The following VWA8 variants were observed in gnomAD, a reference collection of about 807,000 sequenced individuals.
VWA8 encodes von Willebrand factor A domain containing 8.
A neutral mutation model predicts 241.5 loss-of-function variants in VWA8; 221 were observed. That is an observed-to-expected ratio of 0.91 (90% CI 0.82 to 1.02). The LOEUF is 1.02. Among genes scored for constraint, VWA8 ranks in the 50% least tolerant of loss-of-function variants. The pLI, the probability that VWA8 is intolerant of heterozygous loss-of-function variation, is 0.00. For synonymous variants in VWA8, 852 were observed against 827.1 expected (o/e 1.03, Z -0.52); for missense variants, 2,322 against 2,328.7 (o/e 1.00, Z 0.06).
intron 36 of VWA8, 77 bp downstream of exon 36, chr13:41,675,138 T>C (rs1164247760): frequency 2.9e-6 from 3 of 1,052,458 alleles, no homozygotes; most frequent in East Asian, 5.1e-5. Context: ...AAAGTACTCA[T>C]TTATTCAGAG....
chr13:41,916,184 T>C (rs1387281667), intron 2 of VWA8, among the ~76,000 whole-genome samples: 1 of 152,242 alleles, frequency 6.6e-6, no homozygotes, highest in Non-Finnish European at 1.5e-5. Context: ...CTAATAACAG[T>C]AAATGCTGTG....
chr13:41,675,258 T>C lies in VWA8; in HGVS notation c.4366A>G (p.Thr1456Ala), dbSNP rs2045052298. The C allele has an allele frequency of 6.2e-7, 1 of 1,613,340 alleles. No individual in the cohort carries two copies. The highest frequency in any genetic ancestry group is 1.3e-5 in the African/African-American group (1 of 75,010). ...PPQTSGYIEV[T>A]DLQSKKLRYI... ...CGGAGTTTCTTTGATTGAAGATCAG[T>C]GACTTCTATATAACCAGATGTTTGT... is the stretch of plus-strand genomic sequence containing the variant. Residue 1456 changes from threonine to alanine, a missense_variant, in exon 36 of 45, where the codon ACT becomes GCT. Physicochemically the swap from Thr to Ala is moderately conservative, Grantham distance 58 (BLOSUM62 0). Transcript: ENST00000379310.
intron 35 of VWA8, among the ~76,000 whole-genome samples, chr13:41,677,080 G>T (rs2045065443): frequency 6.6e-6 from 1 of 152,056 alleles, no homozygotes. Flanking sequence ...TTAGACTTTA[G>T]GAATATTTAT....
intron 43 of VWA8, among the ~76,000 whole-genome samples, chr13:41,575,337 A>G (rs548538245): frequency 1.4e-4 from 22 of 152,254 alleles, no homozygotes; most frequent in African/African-American, 5.3e-4. Context: ...TGATGGGTAC[A>G]CTATCTCAAA....
chr13:41,748,780 T>G (rs1157943767), intron 21 of VWA8, among the ~76,000 whole-genome samples: 1 of 152,156 alleles, frequency 6.6e-6, no homozygotes, highest in Non-Finnish European at 1.5e-5. Context: ...ATTTAATAAA[T>G]CGTGCTGGGA....
chr13:41,717,583 T>C (rs2045355689), intron 26 of VWA8, among the ~76,000 whole-genome samples: 1 of 151,924 alleles, frequency 6.6e-6, no homozygotes, highest in Non-Finnish European at 1.5e-5. Context: ...AGGCTGATAA[T>C]TTGATAGAAA....
chr13:41,766,284 C>T (rs1454928361), intron 20 of VWA8, among the ~76,000 whole-genome samples: 4 of 151,900 alleles, frequency 2.6e-5, no homozygotes. Flanking sequence ...GAAAAAAATA[C>T]AGAACGTACA....
At chr13:41,731,637 G>A (rs1020124003) in intron 22 of VWA8, among the ~76,000 whole-genome samples, 1 of 152,130 alleles carries the variant, frequency 6.6e-6, no homozygotes, top group Non-Finnish European at 1.5e-5. Flanking sequence ...GATACGGTTT[G>A]GCTGTGTCCC....
At chr13:41,677,496 A>C (rs2045068189) in intron 35 of VWA8, among the ~76,000 whole-genome samples, 1 of 152,126 alleles carries the variant, frequency 6.6e-6, no homozygotes, top group African/African-American at 2.4e-5. Flanking sequence ...TAACAATATG[A>C]CTTATTTGGG....
chr13:41,726,179 G>A (rs1311167672), intron 24 of VWA8, among the ~76,000 whole-genome samples: 1 of 151,448 alleles, frequency 6.6e-6, no homozygotes, highest in African/African-American at 2.4e-5. Flanking sequence ...TTAAACAACT[G>A]CATAGCATTC....
chr13:41,877,674 A>G (rs1383196903), intron 9 of VWA8, among the ~76,000 whole-genome samples: 1 of 152,132 alleles, frequency 6.6e-6, no homozygotes. Context: ...TATCCTTTCT[A>G]AATCACCAAG....
At chr13:41,804,776 CA>C (rs754025076) in intron 17 of VWA8, among the ~76,000 whole-genome samples, 16 of 151,994 alleles carry the variant, frequency 1.1e-4, no homozygotes, top group Non-Finnish European at 2.1e-4. Flanking sequence ...AGTGGGTGGA[CA>C]AAGTTAGAGT....
intron 14 of VWA8, among the ~76,000 whole-genome samples, chr13:41,822,075 T>G (rs1428815454): frequency 6.6e-6 from 1 of 152,156 alleles, no homozygotes; most frequent in Non-Finnish European, 1.5e-5. Flanking sequence ...AGATTCATTA[T>G]CTTGATATTG....
intron 21 of VWA8, among the ~76,000 whole-genome samples, chr13:41,736,008 T>C (rs1040625399): frequency 2.6e-5 from 4 of 152,168 alleles, no homozygotes; most frequent in Admixed American, 2.6e-4. Flanking sequence ...CTCTTGTGAA[T>C]TGTTCCTCTC....
intron 14 of VWA8, among the ~76,000 whole-genome samples, chr13:41,820,084 T>A (rs1870885961): frequency 6.6e-6 from 1 of 152,194 alleles, no homozygotes; most frequent in African/African-American, 2.4e-5. Context: ...TTCCTTTGGT[T>A]TGTGAAATGA....
intron 17 of VWA8, among the ~76,000 whole-genome samples, chr13:41,801,531 A>G (rs1162535274): frequency 6.6e-6 from 1 of 152,220 alleles, no homozygotes; most frequent in African/African-American, 2.4e-5. Flanking sequence ...TAATTACTAG[A>G]TCATATGAAA....
At chr13:41,822,727 A>G (rs974847290) in intron 14 of VWA8, among the ~76,000 whole-genome samples, 6 of 152,166 alleles carry the variant, frequency 3.9e-5, no homozygotes, top group African/African-American at 1.4e-4. Context: ...TACAATAATA[A>G]ATGATTACAT....
At chr13:41,797,090 G>C (rs1343008299) in intron 17 of VWA8, among the ~76,000 whole-genome samples, 1 of 152,006 alleles carries the variant, frequency 6.6e-6, no homozygotes, top group Admixed American at 6.6e-5. Context: ...GAGTGTAATG[G>C]TGTGATCTTG....
chr13:41,898,604 A>G (rs1021872008), intron 4 of VWA8, among the ~76,000 whole-genome samples: 1 of 152,214 alleles, frequency 6.6e-6, no homozygotes, highest in Non-Finnish European at 1.5e-5. Context: ...TGGGTGGTCG[A>G]TGGGACTGGG....
Sources: allele counts gnomAD v4.1 joint callset (sites outside exome capture counted in the v4.1 genomes callset), GRCh38; gene constraint gnomAD v4.1.1; transcripts MANE v1.5; gene names NCBI Gene and HGNC (gene_info 2026-07-23, HGNC 2026-07-21).